DLGAP2: variants seen among roughly 807,000 people sequenced by gnomAD.
DLGAP2 encodes disks large-associated protein 2.
In DLGAP2, 26 loss-of-function variants were observed where a neutral mutation model predicts 100.3. The ratio of observed to expected loss-of-function variants is 0.26; its 90% CI spans 0.19 to 0.36. The LOEUF (loss-of-function observed/expected upper bound fraction) is 0.36. Ranked by LOEUF, DLGAP2 falls within the 10% of genes least tolerant of loss-of-function variation. The probability of loss-of-function intolerance (pLI) is 1.00; values close to 1 mark genes in which losing one functional copy is unlikely to be tolerated. For missense variants in DLGAP2, 1,858 were observed against 1,453.2 expected (o/e 1.28, Z -4.53); for synonymous variants, 886 against 630.1 (o/e 1.41, Z -6.08).
chr8:1,449,500 T>C (rs537475107), intron 3 of DLGAP2, among the ~76,000 whole-genome samples: 7 of 152,194 alleles, frequency 4.6e-5, no homozygotes, highest in African/African-American at 1.7e-4. Context: ...GGACCTGGGA[T>C]GTCAGAGGCT....
chr8:778,987 A>C (rs1006170626), intron 1 of DLGAP2, among the ~76,000 whole-genome samples: 2 of 152,198 alleles, frequency 1.3e-5, no homozygotes, highest in Non-Finnish European at 2.9e-5. Context: ...GCTAGCAATC[A>C]GCGAGACTCC....
chr8:1,364,023 C>G (rs984168129), intron 3 of DLGAP2, among the ~76,000 whole-genome samples: 1 of 152,196 alleles, frequency 6.6e-6, no homozygotes, highest in Admixed American at 6.5e-5. Flanking sequence ...GTACCCCTCA[C>G]TGATCCTCAT....
At chr8:1,166,119 C>T (rs757031770) in intron 2 of DLGAP2, among the ~76,000 whole-genome samples, 4 of 152,212 alleles carry the variant, frequency 2.6e-5, no homozygotes, top group East Asian at 1.9e-4. Context: ...TTAGCTACTC[C>T]GTGCCAGGGC....
chr8:1,233,604 C>A (rs75493736), intron 2 of DLGAP2, among the ~76,000 whole-genome samples: 1 of 152,074 alleles, frequency 6.6e-6, no homozygotes, highest in African/African-American at 2.4e-5. Flanking sequence ...AACTCAGTCT[C>A]GGAGCTGCCC....
intron 2 of DLGAP2, among the ~76,000 whole-genome samples, chr8:932,353 C>G (rs1229043588): frequency 6.6e-6 from 1 of 152,162 alleles, no homozygotes; most frequent in Non-Finnish European, 1.5e-5. Context: ...CGGTTCTTTT[C>G]TTCTTATGAT....
intron 3 of DLGAP2, among the ~76,000 whole-genome samples, chr8:1,414,425 G>A (rs1230239641): frequency 1.3e-5 from 2 of 152,210 alleles, no homozygotes; most frequent in African/African-American, 4.8e-5. Flanking sequence ...GACCCATGGA[G>A]CCGGTCAAGT....
chr8:1,505,572 A>T (rs1186092814), intron 4 of DLGAP2, among the ~76,000 whole-genome samples: 1 of 152,218 alleles, frequency 6.6e-6, no homozygotes, highest in East Asian at 1.9e-4. Flanking sequence ...ATGAAAAGTA[A>T]TTTTATGATG....
intron 2 of DLGAP2, among the ~76,000 whole-genome samples, chr8:1,062,170 T>C (rs1385344992): frequency 2.0e-5 from 3 of 152,124 alleles, no homozygotes; most frequent in Admixed American, 6.5e-5. Flanking sequence ...AGCTTGCCTC[T>C]CCTGCTCTGC....
intron 2 of DLGAP2, among the ~76,000 whole-genome samples, chr8:978,863 T>A (rs551498117): frequency 6.6e-6 from 1 of 152,234 alleles, no homozygotes; most frequent in Non-Finnish European, 1.5e-5. Context: ...TTAAAAATAA[T>A]GCTGATCCCA....
chr8:1,382,271 C>G (rs1291661756), intron 3 of DLGAP2, among the ~76,000 whole-genome samples: 1 of 152,146 alleles, frequency 6.6e-6, no homozygotes, highest in Non-Finnish European at 1.5e-5. Context: ...AAATGGATCA[C>G]CACAGAGGCC....
At position 1,052,412 on chromosome 8, in the gene DLGAP2, A is replaced by T. The variant is rs115936391; in HGVS notation, c.73+144446A>T. ...GGAAATAATTTTTGCAGGTAGTTTT[A>T]ACACATGGCATCACAGCATACACTA... is the stretch of plus-strand genomic sequence containing the variant. On this transcript the variant is annotated intron_variant, in intron 2 of 14. Transcript: ENST00000637795. Among the ~76,000 whole-genome samples, 835 of 152,360 alleles carry T rather than the reference A, an allele frequency of 5.5e-3. 11 individuals are homozygous for T. The highest frequency in any genetic ancestry group is 0.019 in the African/African-American group (790 of 41,578).
At chr8:1,641,980 C>CT (rs2130795747) in intron 8 of DLGAP2, among the ~76,000 whole-genome samples, 1 of 68,400 alleles carries the variant, frequency 1.5e-5, no homozygotes. Flanking sequence ...CCCGCCGGTC[C>CT]CCACCTGTGT....
chr8:868,756 T>G (rs1797543840), intron 1 of DLGAP2, among the ~76,000 whole-genome samples: 1 of 152,048 alleles, frequency 6.6e-6, no homozygotes. Context: ...GCACAAACAG[T>G]GTTCCCTCTT....
intron 4 of DLGAP2, among the ~76,000 whole-genome samples, chr8:1,544,055 A>G (rs1801452449): frequency 6.6e-6 from 1 of 151,712 alleles, no homozygotes; most frequent in Non-Finnish European, 1.5e-5. Flanking sequence ...TGTGCCTACT[A>G]CTATGCCTGG....
At chr8:1,301,261 C>T (rs75418081) in intron 3 of DLGAP2, 2 of 152,298 alleles carry the variant, frequency 1.3e-5, no homozygotes, top group Middle Eastern at 3.4e-3. Context: ...AGGACCCTGT[C>T]CTGACAGCAC....
intron 3 of DLGAP2, among the ~76,000 whole-genome samples, chr8:1,360,084 G>A (rs532442705): frequency 6.6e-6 from 1 of 152,170 alleles, no homozygotes; most frequent in East Asian, 2.0e-4. Flanking sequence ...GAAATCCACC[G>A]AAGCCCTTTG....
At chr8:1,220,040 T>C (rs1291855296) in intron 2 of DLGAP2, among the ~76,000 whole-genome samples, 2 of 152,126 alleles carry the variant, frequency 1.3e-5, no homozygotes, top group Non-Finnish European at 2.9e-5. Context: ...ATCAGTATTA[T>C]TTCTTCTTTC....
At chr8:965,880 C>T (rs997384509) in intron 2 of DLGAP2, among the ~76,000 whole-genome samples, 8 of 152,102 alleles carry the variant, frequency 5.3e-5, no homozygotes, top group Non-Finnish European at 1.2e-4. Flanking sequence ...ATGCACACAG[C>T]GCTGTTCACC....
chr8:1,096,546 C>A (rs1485781292), intron 2 of DLGAP2, among the ~76,000 whole-genome samples: 1 of 151,786 alleles, frequency 6.6e-6, no homozygotes, highest in Non-Finnish European at 1.5e-5. Context: ...AGGCCCACCT[C>A]CCTGTGCTCA....
Sources: allele counts gnomAD v4.1 joint callset (sites outside exome capture counted in the v4.1 genomes callset), GRCh38; gene constraint gnomAD v4.1.1; transcripts MANE v1.5; gene names NCBI Gene and HGNC (gene_info 2026-07-23, HGNC 2026-07-21).